DENND4C: variants seen among roughly 807,000 people sequenced by gnomAD.
The protein encoded by DENND4C is DENN domain-containing protein 4C.
A neutral mutation model predicts 203.0 loss-of-function variants in DENND4C; 108 were observed. The observed-to-expected ratio is 0.53, with a 90% CI of 0.46 to 0.62. DENND4C has a LOEUF of 0.62. Ranked by LOEUF, DENND4C falls within the 20% of genes least tolerant of loss-of-function variation. The pLI is 0.00. For synonymous variants in DENND4C, 871 were observed against 792.4 expected, an observed-to-expected ratio of 1.10 and a Z score of -1.67; for missense variants, 2,481 against 2,301.2, an observed-to-expected ratio of 1.08 and a Z score of -1.60.
rs1349723231 is a variant in DENND4C at position 19,262,104 on chromosome 9, T to G, written c.-17-14054T>G. Among the ~76,000 whole-genome samples, 26 of 81,432 alleles carry G rather than the reference T, an allele frequency of 3.2e-4. No individual in the cohort carries two copies. The South Asian group carries it at 0.011, about 35-fold the overall frequency. 53.4% of individuals were successfully genotyped at this position (81,432 alleles called of 152,430 possible). A position where few individuals can be genotyped will look rare whatever the true frequency, so the allele number is the denominator to read the frequency against. On this transcript the variant is annotated intron_variant, in intron 1 of 32. Coordinates refer to ENST00000434457, the MANE Select transcript of DENND4C (RefSeq NM_001330640.2). Reference sequence around the variant, plus strand: ...TTTTTTTTTTTTTTTTTTTTTTTTTTTGAGACAAGTCTTGTTCTGTCGCCC... The same window carrying G: ...TTTTTTTTTTTTTTTTTTTTTTTTTGTGAGACAAGTCTTGTTCTGTCGCCC...
At chr9:19,315,597 GTGTA>G (rs778253311) in intron 10 of DENND4C, among the ~76,000 whole-genome samples, 5 of 150,486 alleles carry the variant, frequency 3.3e-5, no homozygotes, top group Non-Finnish European at 7.4e-5. Flanking sequence ...ATGTATGTGT[GTGTA>G]TATATATACA....
chr9:19,335,251 AAGT>A lies in DENND4C; in HGVS notation c.2589+148_2589+150del, dbSNP rs151305341. ...TTTATAATTATTAAAAATTGACAAA[AAGT>A]ATATATATTTATCATGTACAATATG... On this transcript the variant is annotated intron_variant, in intron 18 of 32. Transcript: ENST00000434457. 3.4e-3 allele frequency: 1,396 copies of A among 405,564 alleles called. 15 individuals carry two copies. Among genetic ancestry groups the A allele is most frequent in the African/African-American group, 0.026 (1,260 of 47,714 alleles). The allele number at this position is 405,564 out of a possible 1,614,324, so 25.1% of individuals were successfully genotyped here. A position where few individuals can be genotyped will look rare whatever the true frequency, so the allele number is the denominator to read the frequency against.
At chr9:19,334,848 A>C in intron 17 of DENND4C, 129 bp from the exon 18 acceptor site, 1 of 945,800 alleles carries the variant, frequency 1.1e-6, no homozygotes, top group South Asian at 2.1e-5. Flanking sequence ...TAATTTGCTA[A>C]GATGCTCAAA....
chr9:19,342,256 C>G (rs1039016619), intron 21 of DENND4C, among the ~76,000 whole-genome samples: 1 of 151,926 alleles, frequency 6.6e-6, no homozygotes, highest in East Asian at 1.9e-4. Context: ...GAATAAGACA[C>G]TCTTCCTGTT....
At chr9:19,295,887 T>C (rs1837364569) in intron 5 of DENND4C, 121 bp from the exon 6 acceptor site, 4 of 702,534 alleles carry the variant, frequency 5.7e-6, no homozygotes, top group Non-Finnish European at 6.8e-6. Context: ...AGATTTTTTT[T>C]TTCATAATTT....
chr9:19,259,593 C>T (rs1356678523), intron 1 of DENND4C, among the ~76,000 whole-genome samples: 1 of 151,448 alleles, frequency 6.6e-6, no homozygotes, highest in East Asian at 1.9e-4. Context: ...CAGCCTCCGC[C>T]TCCCAGGTTC....
intron 1 of DENND4C, among the ~76,000 whole-genome samples, chr9:19,255,908 T>C (rs1485088620): frequency 1.3e-5 from 2 of 151,950 alleles, no homozygotes; most frequent in Non-Finnish European, 2.9e-5. Context: ...CAGAGAGACA[T>C]TCTGCTAAAG....
At chr9:19,344,716 T>TG (rs1305063957) in intron 22 of DENND4C, among the ~76,000 whole-genome samples, 1 of 152,148 alleles carries the variant, frequency 6.6e-6, no homozygotes, top group African/African-American at 2.4e-5. Flanking sequence ...TTGCCCAGGC[T>TG]GGTCTCGAGC....
In DENND4C at chr9:19,290,857, CAGGTTCTTCAGCCAAAA is replaced by C; in HGVS notation, c.787_801+2del. On this transcript the variant is annotated frameshift_variant and splice_region_variant, in exon 5 of 33. Transcript: ENST00000434457. LOFTEE classifies it high-confidence loss of function. ...CCAGTTTTTTCAACTTTTGTCTTGA[CAGGTTCTTCAGCCAAAA>C]AGGTATGTTTTTGTCTCATTGATTA... 1 of 1,613,300 alleles carries C rather than the reference CAGGTTCTTCAGCCAAAA, an allele frequency of 6.2e-7. No individual in the cohort carries two copies. The highest frequency in any genetic ancestry group is 1.1e-5 in the South Asian group (1 of 91,008).
intron 1 of DENND4C, among the ~76,000 whole-genome samples, chr9:19,237,477 G>C (rs1293371905): frequency 6.6e-6 from 1 of 151,926 alleles, no homozygotes; most frequent in Non-Finnish European, 1.5e-5. Flanking sequence ...TCAGTCTCCC[G>C]AGTAGCTGGG....
intron 1 of DENND4C, among the ~76,000 whole-genome samples, chr9:19,256,105 A>G (rs138947602): frequency 0.021 from 3,164 of 151,808 alleles, 121 homozygotes; most frequent in African/African-American, 0.072. Flanking sequence ...AAAAAAGACC[A>G]GATTCTTAGC....
chr9:19,370,556 CTATAAT>C (rs1205813965), intron 31 of DENND4C, among the ~76,000 whole-genome samples: 4 of 152,112 alleles, frequency 2.6e-5, no homozygotes, highest in African/African-American at 4.8e-5. Flanking sequence ...TGCTGGAAAC[CTATAAT>C]TATATTTATT....
At chr9:19,292,379 A>G (rs1396790006) in intron 5 of DENND4C, 1 of 152,106 alleles carries the variant, frequency 6.6e-6, no homozygotes, top group African/African-American at 2.4e-5. Context: ...CACCGGAGAC[A>G]AAACAACTAG....
At chr9:19,368,585 C>T (rs1465290668) in intron 30 of DENND4C, among the ~76,000 whole-genome samples, 2 of 152,020 alleles carry the variant, frequency 1.3e-5, no homozygotes, top group Non-Finnish European at 2.9e-5. Flanking sequence ...TCACTTGGGA[C>T]CAGGAGTTTG....
In DENND4C at chr9:19,371,782, T is replaced by G. The variant is rs745720678; in HGVS notation, c.5702T>G (p.Leu1901Ter). ...QRSLYREILF[L>*]SLVSLGRENI... is the part of the protein sequence containing the mutation. ...AGTTTATACAGAGAAATCCTCTTCT[T>G]ATCATTAGTGTCTCTAGGAAGAGAG... Residue 1901 changes from leucine to a stop codon, truncating the protein, a stop_gained, in exon 32 of 33, where the codon TTA (leucine) becomes TGA (stop). Coordinates refer to ENST00000434457, the MANE Select transcript of DENND4C (RefSeq NM_001330640.2). LOFTEE classifies it high-confidence loss of function. 11 of 1,466,226 alleles carry G rather than the reference T, an allele frequency of 7.5e-6. No individual in the cohort carries two copies. In the Admixed American group the frequency reaches 2.0e-4, roughly 27 times the overall value. The allele number at this position is 1,466,226 out of a possible 1,614,324, so 90.8% of individuals were successfully genotyped here.
intron 1 of DENND4C, among the ~76,000 whole-genome samples, chr9:19,274,360 A>G (rs887840938): frequency 2.6e-5 from 4 of 151,686 alleles, no homozygotes; most frequent in African/African-American, 9.7e-5. Context: ...CAATGGTGCG[A>G]TCTCGGCTCA....
chr9:19,329,187 A>G (rs571231003), intron 16 of DENND4C, among the ~76,000 whole-genome samples: 24 of 152,284 alleles, frequency 1.6e-4, no homozygotes, highest in African/African-American at 5.8e-4. Flanking sequence ...ATCAACCCCA[A>G]AAGAAAGTTT....
chr9:19,235,040 C>G (rs995119974), intron 1 of DENND4C, among the ~76,000 whole-genome samples: 1 of 151,556 alleles, frequency 6.6e-6, no homozygotes, highest in African/African-American at 2.4e-5. Flanking sequence ...TCTCAGTTCA[C>G]TGCAACCTCG....
At chr9:19,234,676 C>G (rs962562529) in intron 1 of DENND4C, among the ~76,000 whole-genome samples, 1 of 151,700 alleles carries the variant, frequency 6.6e-6, no homozygotes, top group African/African-American at 2.4e-5. Flanking sequence ...TATAGGTGCG[C>G]GTGCATGTGC....
Sources: gnomAD v4.1 joint callset for allele counts (sites outside exome capture counted in the v4.1 genomes callset) on GRCh38, gnomAD v4.1.1 for gene constraint, MANE v1.5 for transcripts, NCBI Gene and HGNC (gene_info 2026-07-23, HGNC 2026-07-21) for gene names.